The following SCYL3 variants were observed in gnomAD, a reference collection of about 807,000 sequenced individuals.
The protein encoded by SCYL3 is protein-associating with the carboxyl-terminal domain of ezrin.
A neutral mutation model predicts 73.8 loss-of-function variants in SCYL3; 35 were observed. That is an observed-to-expected ratio of 0.47 (90% CI 0.36 to 0.63). SCYL3 has a LOEUF of 0.63. Among genes scored for constraint, SCYL3 ranks in the 20% least tolerant of loss-of-function variants. SCYL3 has a pLI of 0.00. For synonymous variants in SCYL3, 277 were observed against 295.2 expected (o/e 0.94, Z 0.63); for missense variants, 712 against 798.9 (o/e 0.89, Z 1.31).
chr1:169,849,681 C>T lies in SCYL3; in HGVS notation c.*4032G>A. The T allele has an allele frequency of 8.6e-7, 1 of 1,167,662 alleles. No homozygotes were observed. The highest frequency in any genetic ancestry group is 1.3e-6 in the Non-Finnish European group (1 of 791,586). 72.3% of individuals were successfully genotyped at this position (1,167,662 alleles called of 1,614,324 possible). ...CAAATATTCCAGAACAATCCCAAAA[C>T]ATTTATTGAACTGCTTCTGTATTGC... is the stretch of plus-strand genomic sequence containing the variant. On this transcript the variant is annotated 3_prime_UTR_variant, in exon 13 of 13. Transcript: ENST00000367771.
At chr1:169,871,499 C>T (rs1049527173) in intron 5 of SCYL3, among the ~76,000 whole-genome samples, 6 of 152,276 alleles carry the variant, frequency 3.9e-5, no homozygotes, top group South Asian at 2.1e-4. Context: ...TCATCAGCAG[C>T]GTGAAAACAG....
At chr1:169,880,351 TAAAC>T (rs1450478446) in intron 2 of SCYL3, among the ~76,000 whole-genome samples, 1 of 152,170 alleles carries the variant, frequency 6.6e-6, no homozygotes, top group Non-Finnish European at 1.5e-5. Flanking sequence ...AAAGCACACT[TAAAC>T]ATATTACCAT....
At chr1:169,857,403 CCTTT>C (rs1375117701) in intron 11 of SCYL3, among the ~76,000 whole-genome samples, 1 of 152,162 alleles carries the variant, frequency 6.6e-6, no homozygotes, top group East Asian at 1.9e-4. Context: ...ACTTATAATA[CCTTT>C]ATTTTTTGGT....
chr1:169,853,934 G>C (rs902530925), intron 12 of SCYL3, 162 bp from the exon 13 acceptor site: 1 of 779,760 alleles, frequency 1.3e-6, no homozygotes, highest in African/African-American at 1.8e-5. Flanking sequence ...AAGTTGAAAA[G>C]TAGGATTACA....
At chr1:169,858,836 CTG>C (rs1386401391) in intron 11 of SCYL3, among the ~76,000 whole-genome samples, 1 of 151,872 alleles carries the variant, frequency 6.6e-6, no homozygotes, top group Non-Finnish European at 1.5e-5. Context: ...AAACATATAT[CTG>C]TGTGTCTTTT....
rs1432778126 is a variant in SCYL3, at chr1:169,864,360, A to G, written c.955+9T>C. 6.2e-7 allele frequency: 1 copy of G among 1,614,110 alleles called. No homozygotes were observed. The highest frequency in any genetic ancestry group is 1.3e-5 in the African/African-American group (1 of 74,944). On this transcript the variant is annotated intron_variant, in intron 9 of 12. Transcript: ENST00000367771. ...TTAACTAGCAATAACACTTTGAAAA[A>G]GCATTCACCTTTTTTGGGGCCAAGC...
chr1:169,886,456 A>G (rs1372555286), intron 2 of SCYL3, among the ~76,000 whole-genome samples: 1 of 152,224 alleles, frequency 6.6e-6, no homozygotes, highest in Admixed American at 6.5e-5. Flanking sequence ...CTTCCACAAC[A>G]GCCCAAATTC....
chr1:169,883,491 G>A (rs1229853559), intron 2 of SCYL3, among the ~76,000 whole-genome samples: 2 of 152,140 alleles, frequency 1.3e-5, no homozygotes, highest in Non-Finnish European at 2.9e-5. Context: ...GGAGGAGAGT[G>A]ATGAAATATT....
In SCYL3 at chr1:169,888,909, C is replaced by G; in HGVS notation, c.-50-19G>C. 1 of 1,373,622 alleles carries G rather than the reference C, an allele frequency of 7.3e-7. No homozygotes were observed. Among genetic ancestry groups the G allele is most frequent in the Non-Finnish European group, 9.8e-7 (1 of 1,023,742 alleles). 85.1% of individuals were successfully genotyped at this position (1,373,622 alleles called of 1,614,324 possible). The stretch of plus-strand genomic sequence containing the variant: ...AGCAGATCTAAAAGAAAACAGAAAA[C>G]AATTTCAAACATTAAATCCCTATCT... On this transcript the variant is annotated intron_variant, in intron 1 of 12. Coordinates refer to ENST00000367771, the MANE Select transcript of SCYL3 (RefSeq NM_020423.7).
intron 4 of SCYL3, among the ~76,000 whole-genome samples, chr1:169,875,237 A>T (rs1442769510): frequency 6.6e-6 from 1 of 152,240 alleles, no homozygotes; most frequent in Non-Finnish European, 1.5e-5. Flanking sequence ...AAGCTGAAAC[A>T]GTAAGTCAAC....
chr1:169,867,077 A>AT, intron 7 of SCYL3, 104 bp from the exon 8 acceptor site: 1 of 647,684 alleles, frequency 1.5e-6, no homozygotes, highest in Non-Finnish European at 2.7e-6. Flanking sequence ...ACCAAGAAAC[A>AT]TTCTCCTTTG....
intron 3 of SCYL3, among the ~76,000 whole-genome samples, chr1:169,878,162 C>A (rs1660989784): frequency 1.3e-5 from 2 of 152,184 alleles, no homozygotes; most frequent in African/African-American, 4.8e-5. Flanking sequence ...CAATTGGCCC[C>A]AACTACTCAA....
chr1:169,864,484 G>C lies in SCYL3; in HGVS notation c.840C>G (p.Cys280Trp), dbSNP rs760840164. 11 of 1,608,610 alleles carry C rather than the reference G, an allele frequency of 6.8e-6. No homozygotes were observed. In the African/African-American group the frequency reaches 1.2e-4, roughly 18 times the overall value. Residue 280 changes from cysteine (C) to tryptophan (W), a missense_variant, in exon 9 of 13, where the codon TGC (cysteine) becomes TGG (tryptophan). This residue lies in a region of SCYL3 where 342 missense variants were observed against 448.1 expected (regional missense o/e 0.76). Transcript: ENST00000367771. ...FFKFLLDRVS[C>W]LSEELIASRL... ...TTGAAGCTATCAATTCCTCTGACAA[G>C]CAGCTGACTCTGTCCAGCAGAAATC... is the stretch of plus-strand genomic sequence containing the variant.
intron 11 of SCYL3, 78 bp downstream of exon 11, chr1:169,858,963 C>T (rs1659415829): frequency 1.6e-6 from 2 of 1,225,730 alleles, no homozygotes; most frequent in Non-Finnish European, 2.3e-6. Flanking sequence ...CTGAATATGA[C>T]CCTCCTACAT....
At chr1:169,876,784 T>C (rs908868476) in intron 3 of SCYL3, among the ~76,000 whole-genome samples, 2 of 151,152 alleles carry the variant, frequency 1.3e-5, no homozygotes, top group African/African-American at 4.9e-5. Context: ...TGAAACCGCG[T>C]CTCTACGAAA....
At chr1:169,887,954 A>C (rs56373361) in intron 2 of SCYL3, among the ~76,000 whole-genome samples, 2,585 of 152,346 alleles carry the variant, frequency 0.017, 78 homozygotes, top group African/African-American at 0.059. Flanking sequence ...TAACAAAATC[A>C]AGATATCAAG....
Position 169,852,248 on chromosome 1 carries a change from C to G in SCYL3, c.*1465G>C, listed in dbSNP as rs1322219174. ...AGAAGAAAATGAAAGAAACTTACTCCTAAATGTTTAGTTTGATTCCTTGCC... is the reference window on the plus strand; with the variant it reads ...AGAAGAAAATGAAAGAAACTTACTCGTAAATGTTTAGTTTGATTCCTTGCC... On this transcript the variant is annotated 3_prime_UTR_variant, in exon 13 of 13. Coordinates refer to ENST00000367771, the MANE Select transcript of SCYL3 (RefSeq NM_020423.7). The G allele has an allele frequency of 8.2e-6, 3 of 364,822 alleles. No individual in the cohort carries two copies. The highest frequency in any genetic ancestry group is 6.4e-5 in the African/African-American group (3 of 47,134). 22.6% of individuals were successfully genotyped at this position (364,822 alleles called of 1,614,324 possible).
intron 4 of SCYL3, among the ~76,000 whole-genome samples, chr1:169,875,626 G>A (rs1660742756): frequency 6.6e-6 from 1 of 152,186 alleles, no homozygotes. Flanking sequence ...CCAACCAATG[G>A]AATACAAGAC....
In SCYL3 at chr1:169,851,803, A is replaced by G; in HGVS notation, c.*1910T>C. ...CATGTTGCTATTTGCTTGGTTTTTC[A>G]TGGTCCCTGGCAGACTGGGTTTGTA... On this transcript the variant is annotated 3_prime_UTR_variant, in exon 13 of 13. Coordinates refer to ENST00000367771, the MANE Select transcript of SCYL3 (RefSeq NM_020423.7). 1 of 1,610,686 alleles carries G rather than the reference A, an allele frequency of 6.2e-7. No homozygotes were observed.
Sources: allele counts gnomAD v4.1 joint callset (sites outside exome capture counted in the v4.1 genomes callset), GRCh38; gene constraint gnomAD v4.1.1; regional missense constraint gnomAD v4.1.1; transcripts MANE v1.5; gene names NCBI Gene and HGNC (gene_info 2026-07-23, HGNC 2026-07-21).